Variants in CSF2RA observed in about 807,000 individuals in gnomAD.
The protein encoded by CSF2RA is granulocyte-macrophage colony-stimulating factor receptor subunit alpha.
A neutral mutation model predicts 51.6 loss-of-function variants in CSF2RA; 42 were observed. That is an observed-to-expected ratio of 0.81 (90% CI 0.64 to 1.05). The LOEUF is 1.05. Ranked by LOEUF, CSF2RA falls within the 50% of genes least tolerant of loss-of-function variation. The pLI is 0.00. For synonymous variants in CSF2RA, 222 were observed against 193.0 expected (o/e 1.15, Z -1.24); for missense variants, 530 against 501.1 (o/e 1.06, Z -0.55).
chrX:1,305,974 C>T (rs1264601803), intron 12 of CSF2RA: 9 of 600,024 alleles, frequency 1.5e-5, no homozygotes, highest in East Asian at 3.0e-5. Flanking sequence ...CCCAGTGACT[C>T]GGGAGGCTGG....
intron 3 of CSF2RA, among the ~76,000 whole-genome samples, chrX:1,285,028 G>A (rs1157462007): frequency 1.3e-5 from 2 of 151,696 alleles, no homozygotes; most frequent in Non-Finnish European, 2.9e-5. Context: ...TGGGACCACA[G>A]ATGTGCACCA....
Position 1,282,713 on chromosome X carries a change from C to T in CSF2RA, c.10C>T (p.Leu4=), listed in dbSNP as rs1325858005. ...CTCTCTGACCAGCACCATGCTTCTCCTGGTGACAAGCCTTCTGCTCTGTGA... is the reference window on the plus strand; with the variant it reads ...CTCTCTGACCAGCACCATGCTTCTCTTGGTGACAAGCCTTCTGCTCTGTGA... The part of the protein sequence containing the change: MLL[L]VTSLLLCELP... The change falls in exon 3 of 13, where the codon CTG becomes TTG. Residue 4 remains leucine, a synonymous_variant. Transcript: ENST00000381529. 3.1e-6 allele frequency: 5 copies of T among 1,613,088 alleles called. No homozygotes were observed. The highest frequency in any genetic ancestry group is 1.3e-5 in the African/African-American group (1 of 74,892).
the CSF2RA span, among the ~76,000 whole-genome samples, chrX:1,317,689 C>G: frequency 6.6e-6 from 1 of 151,292 alleles, no homozygotes; most frequent in Non-Finnish European, 1.5e-5. Context: ...CGCACAGAAG[C>G]CTTCAGAATG....
At position 1,292,738 on chromosome X, in the gene CSF2RA, G is replaced by A. The variant is rs1179782832; in HGVS notation, c.647-1590G>A. Among the ~76,000 whole-genome samples the A allele has an allele frequency of 8.5e-5, 13 of 152,116 alleles. No individual in the cohort carries two copies. In the East Asian group the frequency reaches 1.2e-3, roughly 14 times the overall value. The stretch of plus-strand genomic sequence containing the variant: ...CTGTCTCAGAATAGAACGAATGTAC[G>A]ATCGGGTTTTACACGGAGACATTCC... On this transcript the variant is annotated intron_variant, in intron 7 of 12. Transcript: ENST00000381529.
At chrX:1,311,955 A>AATT (rs1277453753), downstream of CSF2RA, among the ~76,000 whole-genome samples, 9 of 151,602 alleles carry the variant, frequency 5.9e-5, no homozygotes, top group South Asian at 2.1e-4. Flanking sequence ...TCATAAGGAC[A>AATT]ATTATTATTA....
chrX:1,284,910 G>A (rs748244407), intron 3 of CSF2RA, among the ~76,000 whole-genome samples: 3,366 of 109,434 alleles, frequency 0.031, no homozygotes, highest in Admixed American at 0.051. Context: ...CAGGTGATCC[G>A]CCCACCTCAG....
At chrX:1,286,389 T>A (rs2090660036) in intron 4 of CSF2RA, among the ~76,000 whole-genome samples, 1 of 152,032 alleles carries the variant, frequency 6.6e-6, no homozygotes, top group East Asian at 1.9e-4. Context: ...ACCAACATGG[T>A]GAAACCCCAT....
intron 4 of CSF2RA, among the ~76,000 whole-genome samples, chrX:1,286,561 C>G (rs1319543214): frequency 3.1e-5 from 4 of 129,792 alleles, no homozygotes; most frequent in South Asian, 2.6e-4. Flanking sequence ...AAGAGCAAAA[C>G]TCTGTCTCCA....
intron 12 of CSF2RA, among the ~76,000 whole-genome samples, chrX:1,307,793 T>C (rs543356397): frequency 0.86 from 79,008 of 91,378 alleles, 35,960 homozygotes; most frequent in Non-Finnish European, 0.93. Flanking sequence ...ACCTTTCCCT[T>C]TTTAGACCTT....
downstream of CSF2RA, among the ~76,000 whole-genome samples, chrX:1,311,962 A>G (rs1465963565): frequency 2.0e-5 from 3 of 151,308 alleles, no homozygotes; most frequent in Non-Finnish European, 4.4e-5. Flanking sequence ...GACAATTATT[A>G]TTATTATTAT....
chrX:1,285,875 C>T lies in CSF2RA; in HGVS notation c.174C>T (p.Ser58=), dbSNP rs1454405634. ...SWDCQENTTF[S]KCFLTDKKNR... is the part of the protein sequence containing the mutation. The stretch of plus-strand genomic sequence containing the variant: ...ACTGCCAAGAAAACACAACCTTCAG[C>T]AAGTGTTTCTTAACTGACAAGAAGA... Residue 58 remains serine (S), a synonymous_variant, in exon 4 of 13, where the codon AGC becomes AGT. Coordinates refer to ENST00000381529, the MANE Select transcript of CSF2RA (RefSeq NM_172245.4). 4 of 1,613,896 alleles carry T rather than the reference C, an allele frequency of 2.5e-6. No individual in the cohort carries two copies. The highest frequency in any genetic ancestry group is 2.5e-6 in the Non-Finnish European group (3 of 1,179,846).
chrX:1,312,937 G>A (rs747153241), downstream of CSF2RA, among the ~76,000 whole-genome samples: 25 of 152,208 alleles, frequency 1.6e-4, no homozygotes, highest in East Asian at 2.7e-3. Flanking sequence ...GGGGAGAAGC[G>A]TCTAAAACAC....
chrX:1,324,726 C>T, the CSF2RA span, among the ~76,000 whole-genome samples: 10 of 152,292 alleles, frequency 6.6e-5, no homozygotes, highest in Middle Eastern at 0.01. Flanking sequence ...ACTCTCGTTG[C>T]CACCTAACAA....
At chrX:1,269,986 G>A (rs777658918) in intron 1 of CSF2RA, among the ~76,000 whole-genome samples, 13 of 151,960 alleles carry the variant, frequency 8.6e-5, no homozygotes, top group Admixed American at 2.0e-4. Context: ...GTGTGTGCCT[G>A]TAATCCCAGC....
intron 9 of CSF2RA, among the ~76,000 whole-genome samples, chrX:1,298,615 CG>C (rs1259388402): frequency 0.55 from 40,696 of 74,146 alleles, 9,778 homozygotes; most frequent in South Asian, 0.65. Flanking sequence ...CCCCTACTCA[CG>C]ACCCCTACAC....
At chrX:1,307,650 T>C (rs1165263842) in intron 12 of CSF2RA, among the ~76,000 whole-genome samples, 5 of 148,132 alleles carry the variant, frequency 3.4e-5, no homozygotes, top group Admixed American at 1.3e-4. Context: ...CTTCGACTGA[T>C]TAGATGAGGC....
chrX:1,314,867 ACCGCAC>A (rs2084467111), downstream of CSF2RA, among the ~76,000 whole-genome samples: 9 of 80,640 alleles, frequency 1.1e-4, 1 homozygote, highest in South Asian at 4.1e-4. Context: ...CACCTGCCCA[ACCGCAC>A]TGCACCTGCC....
chrX:1,300,888 T>G, intron 10 of CSF2RA, among the ~76,000 whole-genome samples: 1 of 152,160 alleles, frequency 6.6e-6, no homozygotes, highest in East Asian at 1.9e-4. Flanking sequence ...GTGCAGCGGT[T>G]CACGCCTGTA....
intron 2 of CSF2RA, among the ~76,000 whole-genome samples, chrX:1,277,943 C>G (rs1204956420): frequency 7.0e-6 from 1 of 142,186 alleles, no homozygotes; most frequent in East Asian, 2.1e-4. Flanking sequence ...CACCACTGCA[C>G]TCCAGCCTGG....
Sources: gnomAD v4.1 joint callset for allele counts (sites outside exome capture counted in the v4.1 genomes callset) on GRCh38, gnomAD v4.1.1 for gene constraint, MANE v1.5 for transcripts, NCBI Gene and HGNC (gene_info 2026-07-23, HGNC 2026-07-21) for gene names.